The following PCNX2 variants were observed in gnomAD, a reference collection of about 807,000 sequenced individuals.
The protein encoded by PCNX2 is pecanex 2.
A neutral mutation model predicts 223.8 loss-of-function variants in PCNX2; 168 were observed. That is an observed-to-expected ratio of 0.75 (90% CI 0.66 to 0.85). The LOEUF (loss-of-function observed/expected upper bound fraction) is 0.85. Ranked by LOEUF, PCNX2 falls within the 40% of genes least tolerant of loss-of-function variation. The pLI is 0.00. For synonymous variants in PCNX2, 1,006 were observed against 1,052.6 expected (o/e 0.96, Z 0.86); for missense variants, 2,507 against 2,675.5 (o/e 0.94, Z 1.39).
chr1:233,083,583 G>A (rs930432007), intron 23 of PCNX2, among the ~76,000 whole-genome samples: 7 of 152,280 alleles, frequency 4.6e-5, no homozygotes, highest in East Asian at 1.9e-4. Context: ...CCAACAAGGC[G>A]CTGGAAAACA....
chr1:233,278,985 A>G (rs1021595848), intron 1 of PCNX2, among the ~76,000 whole-genome samples: 1 of 152,182 alleles, frequency 6.6e-6, no homozygotes, highest in Non-Finnish European at 1.5e-5. Flanking sequence ...GTATTCTTCA[A>G]TAATTCTTCT....
At chr1:233,291,608 CAAAAAAAAAAA>C (rs779561549) in intron 1 of PCNX2, 5 of 606,878 alleles carry the variant, frequency 8.2e-6, no homozygotes, top group Middle Eastern at 8.3e-4. Flanking sequence ...AACTCTGTCT[CAAAAAAAAAAA>C]AAAAAAAAAG....
At chr1:233,017,340 C>T (rs1184387918) in intron 26 of PCNX2, among the ~76,000 whole-genome samples, 186 bp from the exon 27 acceptor site, 30 of 98,362 alleles carry the variant, frequency 3.0e-4, no homozygotes, top group African/African-American at 7.3e-4. Context: ...TTTTTTGAGA[C>T]GGAGTCTTGC....
intron 8 of PCNX2, among the ~76,000 whole-genome samples, chr1:233,246,081 CCCTTCAGATAGGATAAATGT>C: frequency 6.6e-6 from 1 of 152,278 alleles, no homozygotes; most frequent in Admixed American, 6.5e-5. Context: ...ATAGCAGCAG[CCCTTCAGATAGGATAAATGT>C]CCTTCAGATG....
Position 232,998,246 on chromosome 1 carries a change from C to T in PCNX2, c.5791+5G>A, listed in dbSNP as rs1669946065. The stretch of plus-strand genomic sequence containing the variant: ...CGATAGTTTGGAGGCCCCTGCTGCA[C>T]CCACCTGTTCTCTGTGTCCCTTCAC... On this transcript the variant is annotated splice_donor_5th_base_variant and intron_variant, in intron 32 of 33. Coordinates refer to ENST00000258229, the MANE Select transcript of PCNX2 (RefSeq NM_014801.4). The T allele has an allele frequency of 1.3e-6, 2 of 1,553,026 alleles. No individual in the cohort carries two copies. The highest frequency in any genetic ancestry group is 1.2e-5 in the South Asian group (1 of 81,704).
Position 233,263,088 on chromosome 1 carries a change from C to T in PCNX2, c.229G>A (p.Val77Ile). ...VTIFFTIIKL[V>I]SYRLHLMFDK... ...AACATGAGGTGTAGGCGATAACTGA[C>T]CAGTTTGATTATTGTGAAGAATATA... is the stretch of plus-strand genomic sequence containing the variant. The change falls in exon 2 of 34, where the codon GTC becomes ATC. Residue 77 changes from valine (V) to isoleucine (I), a missense_variant. Val to Ile is a conservative substitution (Grantham distance 29). Transcript: ENST00000258229. 1 of 1,613,256 alleles carries T rather than the reference C, an allele frequency of 6.2e-7. No individual in the cohort carries two copies. Among genetic ancestry groups the T allele is most frequent in the Non-Finnish European group, 8.5e-7 (1 of 1,179,506 alleles).
At position 233,252,373 on chromosome 1, in the gene PCNX2, A is replaced by G. The variant is rs1322054700; in HGVS notation, c.2109T>C (p.His703=). 8 of 1,610,540 alleles carry G rather than the reference A, an allele frequency of 5.0e-6. No individual in the cohort carries two copies. The highest frequency in any genetic ancestry group is 6.8e-6 in the Non-Finnish European group (8 of 1,177,738). Residue 703 remains histidine, a synonymous_variant, in exon 7 of 34, where the codon CAT becomes CAC. Coordinates refer to ENST00000258229, the MANE Select transcript of PCNX2 (RefSeq NM_014801.4). ...ACTCACCATGTTCATCAATGAAGACATGCATAGCATCCACAGATATCTCTT... is the reference window on the plus strand; with the variant it reads ...ACTCACCATGTTCATCAATGAAGACGTGCATAGCATCCACAGATATCTCTT... The part of the protein sequence containing the change: ...VQEEISVDAM[H]VFIDEHGEIR...
At chr1:233,062,508 T>C (rs1262343865) in intron 23 of PCNX2, among the ~76,000 whole-genome samples, 1 of 152,220 alleles carries the variant, frequency 6.6e-6, no homozygotes, top group African/African-American at 2.4e-5. Flanking sequence ...ATTTTCATTG[T>C]GAATTTTAGT....
upstream of PCNX2, among the ~76,000 whole-genome samples, chr1:233,300,566 A>G (rs1349988380): frequency 6.6e-6 from 1 of 152,162 alleles, no homozygotes; most frequent in African/African-American, 2.4e-5. Flanking sequence ...CACAACATAA[A>G]CAGTGGGGTT....
chr1:232,989,653 A>G (rs538011066), intron 32 of PCNX2, among the ~76,000 whole-genome samples: 2 of 152,304 alleles, frequency 1.3e-5, no homozygotes, highest in South Asian at 4.1e-4. Context: ...TATCACTTCT[A>G]TGAGCTCAGC....
chr1:232,998,137 G>T, intron 32 of PCNX2, 114 bp downstream of exon 32: 2 of 1,117,130 alleles, frequency 1.8e-6, no homozygotes, highest in South Asian at 2.0e-5. Context: ...GGCATCTATT[G>T]TCCCAATGCA....
At chr1:233,230,266 G>T (rs1481274651) in intron 9 of PCNX2, among the ~76,000 whole-genome samples, 2 of 152,138 alleles carry the variant, frequency 1.3e-5, no homozygotes, top group Non-Finnish European at 2.9e-5. Flanking sequence ...CTGGGAGAAG[G>T]CATGGAGTAA....
intron 21 of PCNX2, among the ~76,000 whole-genome samples, chr1:233,099,978 A>T (rs2102956028): frequency 6.6e-6 from 1 of 152,276 alleles, no homozygotes; most frequent in Middle Eastern, 3.4e-3. Flanking sequence ...AGCTTATCTC[A>T]CTCCTAACAT....
At position 233,090,086 on chromosome 1, in the gene PCNX2, C is replaced by T; in HGVS notation, c.4051G>A (p.Val1351Met). 1 of 1,613,830 alleles carries T rather than the reference C, an allele frequency of 6.2e-7. No homozygotes were observed. Among genetic ancestry groups the T allele is most frequent in the Non-Finnish European group, 8.5e-7 (1 of 1,179,862 alleles). ...TTGTAGTTTTTCTCCCAGAATTTCA[C>T]TGGCCTGACATATGATGTGATGAAA... is the stretch of plus-strand genomic sequence containing the variant. Reference protein sequence around the residue: ...VIFITSYVRPVKFWEKNYNTR... With the variant: ...VIFITSYVRPMKFWEKNYNTR... Residue 1351 changes from valine to methionine, a missense_variant, in exon 23 of 34, where the codon GTG becomes ATG. Val to Met is a conservative substitution (Grantham distance 21). Coordinates refer to ENST00000258229, the MANE Select transcript of PCNX2 (RefSeq NM_014801.4).
At chr1:233,016,855 A>T (rs1389305659) in intron 27 of PCNX2, 66 bp downstream of exon 27, 5 of 1,561,394 alleles carry the variant, frequency 3.2e-6, no homozygotes, top group Non-Finnish European at 4.4e-6. Flanking sequence ...AAAGAGATGG[A>T]CATGACAATG....
intron 26 of PCNX2, among the ~76,000 whole-genome samples, chr1:233,020,620 C>T (rs191635215): frequency 6.6e-6 from 1 of 152,364 alleles, no homozygotes; most frequent in East Asian, 1.9e-4. Flanking sequence ...GTTGTTCGCG[C>T]CTCATTCTGC....
At chr1:233,039,794 C>T (rs551105155) in intron 25 of PCNX2, among the ~76,000 whole-genome samples, 4 of 152,296 alleles carry the variant, frequency 2.6e-5, no homozygotes, top group African/African-American at 9.6e-5. Context: ...TGATTGCCAA[C>T]CATGTGGTCA....
chr1:233,148,313 T>C (rs1463204015), intron 19 of PCNX2, among the ~76,000 whole-genome samples: 10 of 152,042 alleles, frequency 6.6e-5, no homozygotes, highest in African/African-American at 2.4e-4. Context: ...TTAAAATAAA[T>C]ATCAAGAAAT....
At position 233,263,174 on chromosome 1, in the gene PCNX2, GAA is replaced by G; in HGVS notation, c.154-13_154-12del. On this transcript the variant is annotated splice_polypyrimidine_tract_variant and intron_variant, in intron 1 of 33. Transcript: ENST00000258229. ...ATTTGGAGGAAAAGCCTGAAGAAAG[GAA>G]AAGACAGAGAAAAATCATTTGCTTT... is the stretch of plus-strand genomic sequence containing the variant. 1 of 1,541,868 alleles carries G rather than the reference GAA, an allele frequency of 6.5e-7. No homozygotes were observed. Among genetic ancestry groups the G allele is most frequent in the Non-Finnish European group, 8.8e-7 (1 of 1,139,812 alleles).
Sources: allele counts gnomAD v4.1 joint callset (sites outside exome capture counted in the v4.1 genomes callset), GRCh38; gene constraint gnomAD v4.1.1; transcripts MANE v1.5; gene names NCBI Gene and HGNC (gene_info 2026-07-23, HGNC 2026-07-21).